Variants in CGN observed in about 807,000 individuals in gnomAD.
CGN encodes the protein cingulin.
Under a neutral mutation model 157.1 loss-of-function variants are expected in CGN, and 121 were observed. That is an observed-to-expected ratio of 0.77 (90% CI 0.66 to 0.90). CGN has a LOEUF of 0.90. CGN is among the 40% of genes least tolerant of loss of function. The probability of loss-of-function intolerance (pLI) is 0.00; values close to 1 mark genes in which losing one functional copy is unlikely to be tolerated. For missense variants in CGN, 1,424 were observed against 1,520.9 expected, an observed-to-expected ratio of 0.94 and a Z score of 1.06; for synonymous variants, 535 against 607.5, an observed-to-expected ratio of 0.88 and a Z score of 1.76.
intron 11 of CGN, among the ~76,000 whole-genome samples, 155 bp downstream of exon 11, chr1:151,529,714 G>C (rs1664786239): frequency 1.3e-5 from 2 of 152,134 alleles, no homozygotes; most frequent in African/African-American, 4.8e-5. Flanking sequence ...ATTTGGCAGG[G>C]GGAGGATACC....
At position 151,518,741 on chromosome 1, in the gene CGN, C is replaced by T. The variant is rs144269614; in HGVS notation, c.222C>T (p.Gly74=). The change falls in exon 2 of 21, where the codon GGC becomes GGT. Residue 74 remains glycine (G), a synonymous_variant. Transcript: ENST00000271636. ...PFVVLNSGEK[G]GDSFGVQIKG... ...TGGTGCTCAACAGTGGGGAGAAAGGCGGTGACTCCTTTGGGGTCCAAATCA... is the reference window on the plus strand; with the variant it reads ...TGGTGCTCAACAGTGGGGAGAAAGGTGGTGACTCCTTTGGGGTCCAAATCA... 2.1e-5 allele frequency: 34 copies of T among 1,614,104 alleles called. No individual in the cohort carries two copies. In the East Asian group the frequency reaches 4.7e-4, roughly 22 times the overall value.
At chr1:151,525,116 A>C (rs954521700) in intron 8 of CGN, among the ~76,000 whole-genome samples, 1 of 152,088 alleles carries the variant, frequency 6.6e-6, no homozygotes, top group Admixed American at 6.6e-5. Context: ...CCCAAGGGGG[A>C]CTGGGTGCGG....
intron 10 of CGN, 71 bp from the exon 11 acceptor site, chr1:151,529,279 T>G: frequency 7.5e-7 from 1 of 1,339,124 alleles, no homozygotes; most frequent in Non-Finnish European, 1.1e-6. Context: ...GTATGAGAGT[T>G]TCAGCTTCTC....
At position 151,527,048 on chromosome 1, in the gene CGN, G is replaced by A. The variant is rs763184815; in HGVS notation, c.1837G>A (p.Glu613Lys). ...AGAGAAGATAGAGGTCTTGCAGAGG[G>A]AATTAGAGCAGGCCCGAGCTAGTGC... ...LGEKIEVLQR[E>K]LEQARASAGD... The change falls in exon 10 of 21, where the codon GAA becomes AAA. Residue 613 changes from glutamate to lysine, a missense_variant. Around this residue, in one of 3 missense-constraint regions of CGN, gnomAD observed 1,187 missense variants for 1,217.6 expected, o/e 0.97. Transcript: ENST00000271636. The A allele has an allele frequency of 3.7e-6, 6 of 1,614,214 alleles. No homozygotes were observed. The South Asian group carries it at 6.6e-5, about 18-fold the overall frequency.
chr1:151,516,700 G>A (rs1034318032), intron 1 of CGN, among the ~76,000 whole-genome samples: 4 of 151,346 alleles, frequency 2.6e-5, no homozygotes, highest in African/African-American at 2.4e-5. Flanking sequence ...CCGCTACCAC[G>A]CCCGGCTGAT....
In CGN at chr1:151,532,637, C is replaced by T. The variant is rs1309656863; in HGVS notation, c.2742+65C>T. On this transcript the variant is annotated intron_variant, in intron 14 of 20. Transcript: ENST00000271636. ...CTTTTTTTTTTTTTTTTTTTTTGTC[C>T]GAGACAGAGTCTCACTCTGTCGCCC... 40 of 1,093,460 alleles carry T rather than the reference C, an allele frequency of 3.7e-5. 1 individual carries two copies. In the Admixed American group the frequency reaches 5.8e-4, roughly 16 times the overall value. 67.7% of individuals were successfully genotyped at this position (1,093,460 alleles called of 1,614,324 possible).
intron 9 of CGN, among the ~76,000 whole-genome samples, chr1:151,526,348 TG>T (rs1285318506): frequency 1.3e-5 from 2 of 151,802 alleles, no homozygotes; most frequent in Non-Finnish European, 2.9e-5. Context: ...CTGGGTTTTT[TG>T]TATTTTTAGT....
In CGN at chr1:151,538,230, C is replaced by G. The variant is rs1389738099; in HGVS notation, c.*884C>G. ...TGGATATGGTTATAAGGTGGTTGCA[C>G]CTGGGAGCCCTGACAACTGGCTGCA... On this transcript the variant is annotated 3_prime_UTR_variant, in exon 21 of 21. Coordinates refer to ENST00000271636, the MANE Select transcript of CGN (RefSeq NM_020770.3). 6.6e-6 allele frequency: 1 copy of G among 152,230 alleles called. No homozygotes were observed. The highest frequency in any genetic ancestry group is 1.5e-5 in the Non-Finnish European group (1 of 68,070). The allele number at this position is 152,230 out of a possible 1,614,324, so 9.4% of individuals were successfully genotyped here.
At chr1:151,527,906 G>T in intron 10 of CGN, 1 of 292,974 alleles carries the variant, frequency 3.4e-6, no homozygotes, top group Non-Finnish European at 6.6e-6. Context: ...GGTTGCTCTT[G>T]CATGCAGTTG....
At position 151,511,704 on chromosome 1, in the gene CGN, G is replaced by A. The variant is rs1664299317; in HGVS notation, c.-15+189G>A. Among the ~76,000 whole-genome samples, 1 of 152,188 alleles carries A rather than the reference G, an allele frequency of 6.6e-6. No individual in the cohort carries two copies. Among genetic ancestry groups the A allele is most frequent in the African/African-American group, 2.4e-5 (1 of 41,454 alleles). On this transcript the variant is annotated intron_variant, in intron 1 of 20. Coordinates refer to ENST00000271636, the MANE Select transcript of CGN (RefSeq NM_020770.3). This position sits in a 1 kb window ranked among gnomAD's most constrained non-coding sequence, Gnocchi z 4.8. ...TAAGAGCCGACCCCTACCCTGAGGTGCCAGATGCAGGTGGCTAGGAAGGTG... is the reference window on the plus strand; with the variant it reads ...TAAGAGCCGACCCCTACCCTGAGGTACCAGATGCAGGTGGCTAGGAAGGTG...
chr1:151,528,873 G>A (rs1664760562), intron 10 of CGN, among the ~76,000 whole-genome samples: 1 of 152,050 alleles, frequency 6.6e-6, no homozygotes, highest in African/African-American at 2.4e-5. Context: ...ACCTATTCTG[G>A]ATATTTAATA....
intron 14 of CGN, among the ~76,000 whole-genome samples, chr1:151,532,891 T>C (rs1664872472): frequency 6.6e-6 from 1 of 152,096 alleles, no homozygotes; most frequent in African/African-American, 2.4e-5. Context: ...AATGCTAGGA[T>C]AACAGGCATG....
chr1:151,524,498 A>G lies in CGN; in HGVS notation c.1401+140A>G. 8.8e-6 allele frequency: 12 copies of G among 1,357,288 alleles called. No individual in the cohort carries two copies. The highest frequency in any genetic ancestry group is 1.3e-5 in the South Asian group (1 of 75,862). The allele number at this position is 1,357,288 out of a possible 1,614,324, so 84.1% of individuals were successfully genotyped here. On this transcript the variant is annotated intron_variant, in intron 7 of 20. Transcript: ENST00000271636. This position sits in a 1 kb window ranked among gnomAD's most constrained non-coding sequence, Gnocchi z 4.4. Reference sequence around the variant, plus strand: ...CTCAGTGTGCTTTCAGGTAGATTCAATGGTGTGTTGGGACTAGAGTTAGGA... The same window carrying G: ...CTCAGTGTGCTTTCAGGTAGATTCAGTGGTGTGTTGGGACTAGAGTTAGGA...
At chr1:151,520,104 G>A (rs1195400744) in intron 2 of CGN, 62 bp from the exon 3 acceptor site, 7 of 1,333,314 alleles carry the variant, frequency 5.3e-6, no homozygotes, top group Non-Finnish European at 7.3e-6. Context: ...GCATGCTTCT[G>A]GCCTAATCTT....
chr1:151,523,129 C>T (rs527444500), intron 5 of CGN, among the ~76,000 whole-genome samples: 3 of 152,150 alleles, frequency 2.0e-5, no homozygotes, highest in Non-Finnish European at 2.9e-5. Flanking sequence ...TCAGAATTTA[C>T]TCATCACGTC....
rs35469373 is a variant in CGN, at chr1:151,520,277, GC to G, written c.974+18del. On this transcript the variant is annotated intron_variant, in intron 3 of 20. Coordinates refer to ENST00000271636, the MANE Select transcript of CGN (RefSeq NM_020770.3). ...CATCCTGAGGGAGGGGTGAGTGGGG[GC>G]CCCCCCAACAACAGAGGCATACCCC... 1.6e-5 allele frequency: 25 copies of G among 1,605,328 alleles called. No homozygotes were observed. Among genetic ancestry groups the G allele is most frequent in the Middle Eastern group, 1.8e-4 (1 of 5,652 alleles).
intron 14 of CGN, 52 bp from the exon 15 acceptor site, chr1:151,533,923 A>G (rs928225236): frequency 7.2e-6 from 11 of 1,532,450 alleles, no homozygotes; most frequent in Non-Finnish European, 9.6e-6. Context: ...CCTGCCCCTC[A>G]ACCCTCACCT....
chr1:151,521,625 G>A (rs995316245), intron 5 of CGN, among the ~76,000 whole-genome samples: 2 of 152,124 alleles, frequency 1.3e-5, no homozygotes, highest in Non-Finnish European at 2.9e-5. Flanking sequence ...GATCACCTGA[G>A]GTTGGGAGTT....
At chr1:151,523,316 A>G in intron 5 of CGN, 118 bp from the exon 6 acceptor site, 1 of 892,372 alleles carries the variant, frequency 1.1e-6, no homozygotes, top group Non-Finnish European at 1.7e-6. Context: ...TAAGGTCCTA[A>G]GTATAGTGTC....
Sources: allele counts gnomAD v4.1 joint callset (sites outside exome capture counted in the v4.1 genomes callset), GRCh38; gene constraint gnomAD v4.1.1; regional missense constraint gnomAD v4.1.1; non-coding constraint Gnocchi (gnomAD v3.1); transcripts MANE v1.5; gene names NCBI Gene and HGNC (gene_info 2026-07-23, HGNC 2026-07-21).